The following FMN2 variants were observed in gnomAD, a reference collection of about 807,000 sequenced individuals.
FMN2 encodes the protein formin 2.
In FMN2, 51 loss-of-function variants were observed where a neutral mutation model predicts 142.3. The ratio of observed to expected loss-of-function variants is 0.36; its 90% CI spans 0.29 to 0.45. FMN2 has a LOEUF of 0.45. Among genes scored for constraint, FMN2 ranks in the 20% least tolerant of loss-of-function variants. The pLI is 1.00. For synonymous variants in FMN2, 882 were observed against 869.8 expected (o/e 1.01, Z -0.25); for missense variants, 1,936 against 2,122.8 (o/e 0.91, Z 1.73).
intron 15 of FMN2, among the ~76,000 whole-genome samples, chr1:240,434,728 A>AT (rs34969961): frequency 0.16 from 20,628 of 130,580 alleles, 1,645 homozygotes; most frequent in South Asian, 0.26. Flanking sequence ...CACCCTGCTA[A>AT]TTTTTTTTTT....
chr1:240,411,311 G>T (rs1018775029), intron 15 of FMN2, among the ~76,000 whole-genome samples: 3 of 152,024 alleles, frequency 2.0e-5, no homozygotes, highest in African/African-American at 7.2e-5. Flanking sequence ...GGTGTTTCAC[G>T]CCCATAATCC....
At chr1:240,437,292 CTT>C (rs10649766) in intron 15 of FMN2, among the ~76,000 whole-genome samples, 13,190 of 116,982 alleles carry the variant, frequency 0.11, 1,418 homozygotes, top group African/African-American at 0.34. Context: ...GCATCTCTTG[CTT>C]TTTTTTTTTT....
chr1:240,162,439 G>A (rs1424651025), intron 2 of FMN2, among the ~76,000 whole-genome samples: 1 of 152,168 alleles, frequency 6.6e-6, no homozygotes, highest in African/African-American at 2.4e-5. Context: ...ACTCTAGCCT[G>A]GGTGACAGAG....
At chr1:240,245,632 G>C in intron 6 of FMN2, 1 of 470,534 alleles carries the variant, frequency 2.1e-6, no homozygotes, top group South Asian at 1.5e-5. Context: ...TGCCTGATGT[G>C]TAGTAGGGGT....
At chr1:240,216,068 A>C (rs1244661951) in intron 6 of FMN2, among the ~76,000 whole-genome samples, 1 of 152,208 alleles carries the variant, frequency 6.6e-6, no homozygotes, top group Non-Finnish European at 1.5e-5. Flanking sequence ...TGACATTTGC[A>C]CAGTTAAATA....
At chr1:240,380,668 A>T (rs1322356607) in intron 14 of FMN2, among the ~76,000 whole-genome samples, 1 of 151,814 alleles carries the variant, frequency 6.6e-6, no homozygotes, top group Non-Finnish European at 1.5e-5. Context: ...GTAACATTGC[A>T]TCTCAAGGAG....
At chr1:240,408,154 A>G (rs998662325) in intron 15 of FMN2, among the ~76,000 whole-genome samples, 1 of 152,224 alleles carries the variant, frequency 6.6e-6, no homozygotes. Context: ...ATTGTTAGCA[A>G]TGAATCATGA....
intron 16 of FMN2, among the ~76,000 whole-genome samples, chr1:240,464,980 G>A (rs1676566371): frequency 6.6e-6 from 1 of 152,156 alleles, no homozygotes; most frequent in Admixed American, 6.5e-5. Flanking sequence ...GCCTGAGGAA[G>A]CCTTGTAAGT....
chr1:240,290,792 TG>T (rs58100870), intron 7 of FMN2, among the ~76,000 whole-genome samples: 19,342 of 108,836 alleles, frequency 0.18, 3,197 homozygotes, highest in Admixed American at 0.25. Flanking sequence ...TTTTTTTTTT[TG>T]TTTTTTTTTT....
At chr1:240,328,076 A>G (rs1265414178) in intron 8 of FMN2, among the ~76,000 whole-genome samples, 3 of 136,950 alleles carry the variant, frequency 2.2e-5, no homozygotes, top group Admixed American at 1.6e-4. Flanking sequence ...TGAACCCGGG[A>G]GGCGCAGGTT....
chr1:240,415,578 CAT>C (rs1412843839), intron 15 of FMN2, among the ~76,000 whole-genome samples: 1 of 151,772 alleles, frequency 6.6e-6, no homozygotes, highest in African/African-American at 2.4e-5. Flanking sequence ...TAATCTATCA[CAT>C]GTGTATAATG....
intron 3 of FMN2, 144 bp downstream of exon 3, chr1:240,178,212 G>A (rs1346519433): frequency 6.6e-6 from 6 of 913,716 alleles, no homozygotes; most frequent in Non-Finnish European, 9.0e-6. Flanking sequence ...TTACTTTGGG[G>A]TCTTTTCTCT....
chr1:240,375,592 C>A (rs1673015126), intron 14 of FMN2, among the ~76,000 whole-genome samples: 1 of 152,166 alleles, frequency 6.6e-6, no homozygotes, highest in Non-Finnish European at 1.5e-5. Flanking sequence ...CCCTTTTGAA[C>A]TTTCCTATTC....
intron 2 of FMN2, among the ~76,000 whole-genome samples, chr1:240,136,991 A>G (rs1004819710): frequency 2.7e-5 from 4 of 148,382 alleles, no homozygotes; most frequent in Admixed American, 6.9e-5. Flanking sequence ...AATCGCTTGA[A>G]CCCAAGAGGC....
intron 11 of FMN2, among the ~76,000 whole-genome samples, chr1:240,332,423 T>C (rs1329236631): frequency 1.3e-5 from 2 of 151,880 alleles, no homozygotes; most frequent in African/African-American, 4.8e-5. Context: ...TCTTCAATAC[T>C]CAGCAACTGC....
chr1:240,374,514 C>T (rs1672979837), intron 14 of FMN2, among the ~76,000 whole-genome samples: 1 of 152,158 alleles, frequency 6.6e-6, no homozygotes, highest in Non-Finnish European at 1.5e-5. Context: ...TGGTACTTCA[C>T]CTTGCACTTT....
At chr1:240,418,327 G>T (rs1674651946) in intron 15 of FMN2, among the ~76,000 whole-genome samples, 1 of 151,300 alleles carries the variant, frequency 6.6e-6, no homozygotes, top group Non-Finnish European at 1.5e-5. Flanking sequence ...CTCCCAAGTA[G>T]CTGGGACTAC....
At chr1:240,319,873 T>C (rs760057949) in intron 8 of FMN2, among the ~76,000 whole-genome samples, 54 of 152,336 alleles carry the variant, frequency 3.5e-4, no homozygotes, top group African/African-American at 1.3e-3. Flanking sequence ...TAGCCGCCTG[T>C]TTCCCCTCCC....
chr1:240,412,925 A>T (rs543763404), intron 15 of FMN2, among the ~76,000 whole-genome samples: 6 of 151,830 alleles, frequency 4.0e-5, no homozygotes, highest in Non-Finnish European at 8.8e-5. Context: ...GATCGAGACC[A>T]TCCTGGCTAA....
Sources: allele counts gnomAD v4.1 joint callset (sites outside exome capture counted in the v4.1 genomes callset), GRCh38; gene constraint gnomAD v4.1.1; transcripts MANE v1.5; gene names NCBI Gene and HGNC (gene_info 2026-07-23, HGNC 2026-07-21).